The following WDR70 variants were observed in gnomAD, a reference collection of about 807,000 sequenced individuals.
WDR70 encodes WD repeat-containing protein 70.
In WDR70, 53 loss-of-function variants were observed where a neutral mutation model predicts 88.6. The observed-to-expected ratio is 0.60, with a 90% CI of 0.48 to 0.75. The LOEUF is 0.75. Ranked by LOEUF, WDR70 falls within the 30% of genes least tolerant of loss-of-function variation. The pLI, the probability that WDR70 is intolerant of heterozygous loss-of-function variation, is 0.00. For missense variants in WDR70, 610 were observed against 823.2 expected (o/e 0.74, Z 3.17); for synonymous variants, 280 against 270.0 (o/e 1.04, Z -0.36).
intron 9 of WDR70, among the ~76,000 whole-genome samples, chr5:37,552,513 T>G (rs141984988): frequency 0.02 from 3,121 of 152,294 alleles, 45 homozygotes; most frequent in Non-Finnish European, 0.03. Flanking sequence ...GGACTTTGAT[T>G]AGCAAGAGGA....
intron 13 of WDR70, among the ~76,000 whole-genome samples, chr5:37,705,220 A>G (rs570398892): frequency 3.9e-5 from 6 of 152,326 alleles, no homozygotes; most frequent in East Asian, 1.9e-4. Context: ...AAAAACATTT[A>G]TAGTGCATAG....
intron 10 of WDR70, 60 bp from the exon 11 acceptor site, chr5:37,697,595 A>G (rs1384330369): frequency 7.2e-6 from 10 of 1,395,594 alleles, no homozygotes; most frequent in African/African-American, 1.4e-5. Context: ...TTCTTGCCAC[A>G]AAACTGTTCT....
In WDR70 at chr5:37,590,453, A is replaced by G. The variant is rs116084668; in HGVS notation, c.918-14611A>G. 8.1e-3 allele frequency among the ~76,000 whole-genome samples: 1,232 copies of G among 152,270 alleles called. 17 individuals carry two copies. The highest frequency in any genetic ancestry group is 0.028 in the African/African-American group (1,167 of 41,546). On this transcript the variant is annotated intron_variant, in intron 9 of 17. Transcript: ENST00000265107. ...ATCTATGTTGTGTACAGTGGGTTCA[A>G]TGGTGGCCCCCCAAAAAGCTATTTT...
intron 17 of WDR70, among the ~76,000 whole-genome samples, chr5:37,748,462 T>A (rs1384442222): frequency 1.3e-5 from 2 of 152,082 alleles, no homozygotes; most frequent in African/African-American, 4.8e-5. Flanking sequence ...AAGAATTAAC[T>A]CAAGATGGAT....
chr5:37,434,661 C>T (rs536463725), intron 5 of WDR70, among the ~76,000 whole-genome samples: 1 of 152,232 alleles, frequency 6.6e-6, no homozygotes, highest in Non-Finnish European at 1.5e-5. Context: ...TAGAATTGCT[C>T]ATATTATTTT....
chr5:37,714,885 G>T (rs748169660), intron 13 of WDR70, among the ~76,000 whole-genome samples: 1 of 152,118 alleles, frequency 6.6e-6, no homozygotes, highest in African/African-American at 2.4e-5. Context: ...GAACAAAATT[G>T]TATTTAATTT....
In WDR70 at chr5:37,704,443, A is replaced by G. The variant is rs531949304; in HGVS notation, c.1416+1356A>G. Among the ~76,000 whole-genome samples the G allele has an allele frequency of 2.0e-3, 302 of 152,344 alleles. 1 individual carries two copies. Among genetic ancestry groups the G allele is most frequent in the African/African-American group, 6.9e-3 (286 of 41,580 alleles). On this transcript the variant is annotated intron_variant, in intron 13 of 17. Transcript: ENST00000265107. Reference sequence around the variant, plus strand: ...GACATATGATTGCACTTTTAAAGACATGCTGGGCTTCTGTAGTTTATAGGA... The same window carrying G: ...GACATATGATTGCACTTTTAAAGACGTGCTGGGCTTCTGTAGTTTATAGGA...
At chr5:37,586,981 C>T (rs763584458) in intron 9 of WDR70, among the ~76,000 whole-genome samples, 4 of 152,190 alleles carry the variant, frequency 2.6e-5, no homozygotes, top group Non-Finnish European at 5.9e-5. Context: ...TTCCACAGCT[C>T]TGCTTCACTG....
chr5:37,702,590 A>G (rs1046572875), intron 12 of WDR70, among the ~76,000 whole-genome samples: 1 of 152,184 alleles, frequency 6.6e-6, no homozygotes, highest in Non-Finnish European at 1.5e-5. Flanking sequence ...AGACACTCTT[A>G]ATGTCTATAT....
chr5:37,478,199 G>A (rs374282864), intron 7 of WDR70, among the ~76,000 whole-genome samples: 18 of 152,176 alleles, frequency 1.2e-4, no homozygotes, highest in African/African-American at 4.1e-4. Flanking sequence ...CCGTTGCATC[G>A]ACTGCTCTTA....
At chr5:37,551,992 G>A (rs535621727) in intron 9 of WDR70, among the ~76,000 whole-genome samples, 1 of 151,880 alleles carries the variant, frequency 6.6e-6, no homozygotes, top group African/African-American at 2.4e-5. Context: ...GGCTGGTTTC[G>A]AACTCCTGAC....
intron 5 of WDR70, among the ~76,000 whole-genome samples, chr5:37,424,163 A>AC (rs1750045291): frequency 2.7e-5 from 4 of 150,146 alleles, no homozygotes; most frequent in Non-Finnish European, 4.4e-5. Flanking sequence ...AAAAAAAAAA[A>AC]AAAAAAAAAC....
At chr5:37,655,904 G>A (rs1470510168) in intron 10 of WDR70, among the ~76,000 whole-genome samples, 1 of 151,958 alleles carries the variant, frequency 6.6e-6, no homozygotes, top group South Asian at 2.1e-4. Context: ...GCTCAGAGGA[G>A]TTCATTACTA....
chr5:37,418,736 T>C (rs577560297), intron 5 of WDR70, among the ~76,000 whole-genome samples: 2 of 152,264 alleles, frequency 1.3e-5, no homozygotes, highest in African/African-American at 4.8e-5. Flanking sequence ...CCCAAGGATA[T>C]TTACTATCAT....
intron 5 of WDR70, among the ~76,000 whole-genome samples, chr5:37,402,737 G>A (rs1398696235): frequency 2.6e-5 from 4 of 151,648 alleles, no homozygotes; most frequent in Non-Finnish European, 5.9e-5. Context: ...TGAATACTAG[G>A]TCTTATTCTC....
At chr5:37,659,619 T>C (rs919097024) in intron 10 of WDR70, among the ~76,000 whole-genome samples, 1 of 152,158 alleles carries the variant, frequency 6.6e-6, no homozygotes, top group East Asian at 1.9e-4. Context: ...ATAACAGATA[T>C]TTATTTTTCA....
chr5:37,540,907 A>G (rs901414946), intron 9 of WDR70, among the ~76,000 whole-genome samples: 2 of 152,178 alleles, frequency 1.3e-5, no homozygotes, highest in African/African-American at 4.8e-5. Flanking sequence ...AATCTACTTA[A>G]TACTTTATTA....
intron 9 of WDR70, among the ~76,000 whole-genome samples, chr5:37,571,273 T>A (rs1354996270): frequency 1.3e-5 from 2 of 152,172 alleles, no homozygotes; most frequent in Non-Finnish European, 2.9e-5. Flanking sequence ...CAAATTGCAA[T>A]CTATTCCAAA....
chr5:37,702,650 TA>T (rs1747198825), intron 12 of WDR70, among the ~76,000 whole-genome samples: 1 of 152,236 alleles, frequency 6.6e-6, no homozygotes, highest in Non-Finnish European at 1.5e-5. Context: ...ATGTAGAAGT[TA>T]AAAAGCACAG....
Sources: allele counts gnomAD v4.1 joint callset (sites outside exome capture counted in the v4.1 genomes callset), GRCh38; gene constraint gnomAD v4.1.1; transcripts MANE v1.5; gene names NCBI Gene and HGNC (gene_info 2026-07-23, HGNC 2026-07-21).